Variants in GPC5 observed in about 807,000 individuals in gnomAD.
The protein encoded by GPC5 is glypican 5, also known as glypican-5.
In GPC5, 47 loss-of-function variants were observed where a neutral mutation model predicts 53.9. The observed-to-expected ratio is 0.87, with a 90% CI of 0.69 to 1.11. GPC5 has a LOEUF of 1.11. Among genes scored for constraint, GPC5 ranks in the 50% most tolerant of loss-of-function variants. The pLI is 0.00. For missense variants in GPC5, 748 were observed against 713.1 expected (o/e 1.05, Z -0.56); for synonymous variants, 286 against 263.3 (o/e 1.09, Z -0.84).
At chr13:92,743,497 G>C (rs1044003352) in intron 7 of GPC5, among the ~76,000 whole-genome samples, 2 of 152,046 alleles carry the variant, frequency 1.3e-5, no homozygotes, top group Non-Finnish European at 2.9e-5. Flanking sequence ...TGAGACGATG[G>C]GGTTTTCTAG....
At chr13:92,753,884 G>A (rs1874712497) in intron 7 of GPC5, among the ~76,000 whole-genome samples, 1 of 152,130 alleles carries the variant, frequency 6.6e-6, no homozygotes, top group Admixed American at 6.6e-5. Context: ...AGGGAGAATG[G>A]AACCAAGTTG....
intron 7 of GPC5, among the ~76,000 whole-genome samples, chr13:92,696,741 C>T (rs1009152416): frequency 6.6e-6 from 1 of 152,160 alleles, no homozygotes; most frequent in African/African-American, 2.4e-5. Context: ...GTTGCCCTTG[C>T]TTTTGGTGTT....
chr13:92,047,438 A>G (rs1482093358), intron 6 of GPC5, among the ~76,000 whole-genome samples: 1 of 96,164 alleles, frequency 1.0e-5, no homozygotes, highest in African/African-American at 3.5e-5. Flanking sequence ...AACTATATAT[A>G]TATATTTTTT....
chr13:92,243,507 C>A (rs920595179), intron 7 of GPC5, among the ~76,000 whole-genome samples: 2 of 151,966 alleles, frequency 1.3e-5, no homozygotes, highest in African/African-American at 4.8e-5. Context: ...TGAAAAATAA[C>A]TAGATATGAG....
rs192151019 is a variant in GPC5, at chr13:92,036,827, C to T, written c.1402-108003C>T. Among the ~76,000 whole-genome samples, 35 of 152,286 alleles carry T rather than the reference C, an allele frequency of 2.3e-4. No homozygotes were observed. In the East Asian group the frequency reaches 5.4e-3, roughly 24 times the overall value. On this transcript the variant is annotated intron_variant, in intron 6 of 7. Transcript: ENST00000377067. ...AACAAAGATCTGTTATACTTGTCTT[C>T]ATTAGTTAACTAGTACCTTCAGTAT...
chr13:91,454,887 G>T (rs149086694), intron 2 of GPC5, among the ~76,000 whole-genome samples: 49 of 152,152 alleles, frequency 3.2e-4, no homozygotes, highest in African/African-American at 1.2e-3. Flanking sequence ...AGCCTCCTGA[G>T]CTGGGACTAC....
At chr13:91,759,125 A>G (rs1403157588) in intron 5 of GPC5, among the ~76,000 whole-genome samples, 2 of 151,938 alleles carry the variant, frequency 1.3e-5, no homozygotes, top group Non-Finnish European at 2.9e-5. Flanking sequence ...AGTTGATTGG[A>G]CTCTATCTCT....
rs537868966 is a variant in GPC5 at position 92,564,887 on chromosome 13, T to C, written c.1562-301395T>C. On this transcript the variant is annotated intron_variant, in intron 7 of 7. Transcript: ENST00000377067. ...AGTTGGTTTAAATCCAAATAAAAGA[T>C]GTTATTCTTTCTTTATCCTAATCAG... Among the ~76,000 whole-genome samples the C allele has an allele frequency of 2.5e-3, 374 of 152,270 alleles. 2 individuals carry two copies. Among genetic ancestry groups the C allele is most frequent in the African/African-American group, 8.7e-3 (360 of 41,570 alleles).
intron 7 of GPC5, among the ~76,000 whole-genome samples, chr13:92,462,152 G>A (rs1878511069): frequency 6.6e-6 from 1 of 152,116 alleles, no homozygotes; most frequent in African/African-American, 2.4e-5. Flanking sequence ...GCCACTAGAG[G>A]GTTTTGAGCA....
chr13:92,083,940 T>C (rs1329965373), intron 6 of GPC5, among the ~76,000 whole-genome samples: 1 of 152,116 alleles, frequency 6.6e-6, no homozygotes, highest in African/African-American at 2.4e-5. Flanking sequence ...TACTACATAG[T>C]CATAAAAAGG....
chr13:91,763,171 C>T lies in GPC5; in HGVS notation c.1280+6751C>T, dbSNP rs186243414. Among the ~76,000 whole-genome samples the T allele has an allele frequency of 1.3e-3, 194 of 152,124 alleles. 1 individual carries two copies. The highest frequency in any genetic ancestry group is 4.6e-3 in the Admixed American group (70 of 15,276). On this transcript the variant is annotated intron_variant, in intron 5 of 7. Coordinates refer to ENST00000377067, the MANE Select transcript of GPC5 (RefSeq NM_004466.6). The stretch of plus-strand genomic sequence containing the variant: ...GGTGATAACGCTCTGATGGGTAATA[C>T]GTGGGTCCAAAGTGAAGTTGATGCC...
chr13:91,792,508 T>G (rs535553234), intron 5 of GPC5, among the ~76,000 whole-genome samples: 2 of 152,224 alleles, frequency 1.3e-5, no homozygotes, highest in African/African-American at 4.8e-5. Context: ...CCACTCTGAC[T>G]TTCACCCTTT....
intron 5 of GPC5, among the ~76,000 whole-genome samples, chr13:91,842,619 A>G (rs1006015734): frequency 2.8e-5 from 4 of 145,126 alleles, no homozygotes; most frequent in South Asian, 2.3e-4. Flanking sequence ...GGAGAATGGC[A>G]TGAACCTGGG....
At chr13:91,933,511 A>G (rs573320682) in intron 6 of GPC5, among the ~76,000 whole-genome samples, 1 of 152,098 alleles carries the variant, frequency 6.6e-6, no homozygotes, top group East Asian at 1.9e-4. Flanking sequence ...GGGTATTTAT[A>G]CATACTATTT....
At chr13:91,627,935 C>A (rs2034050644) in intron 2 of GPC5, among the ~76,000 whole-genome samples, 2 of 152,034 alleles carry the variant, frequency 1.3e-5, no homozygotes, top group South Asian at 4.1e-4. Flanking sequence ...GAGTTTATCT[C>A]TATATAAGGG....
chr13:92,831,050 A>G (rs998425990), intron 7 of GPC5, among the ~76,000 whole-genome samples: 2 of 152,158 alleles, frequency 1.3e-5, no homozygotes, highest in African/African-American at 2.4e-5. Flanking sequence ...AGCTTGATGT[A>G]AGCCCCATTC....
intron 7 of GPC5, among the ~76,000 whole-genome samples, chr13:92,450,109 C>CT (rs1000914451): frequency 4.6e-5 from 7 of 152,086 alleles, no homozygotes; most frequent in South Asian, 4.2e-4. Flanking sequence ...CATTTCTTCC[C>CT]TTTTTTTGCA....
chr13:92,077,107 C>T (rs573209782), intron 6 of GPC5, among the ~76,000 whole-genome samples: 206 of 152,044 alleles, frequency 1.4e-3, no homozygotes, highest in Admixed American at 2.5e-3. Flanking sequence ...TGAATTGCCC[C>T]GCCTTTCTGA....
At chr13:91,488,902 G>A (rs1566443947) in intron 2 of GPC5, among the ~76,000 whole-genome samples, 1 of 152,210 alleles carries the variant, frequency 6.6e-6, no homozygotes, top group Non-Finnish European at 1.5e-5. Context: ...GAAAGAGAAT[G>A]TGTCCCTGAG....
Sources: allele counts gnomAD v4.1 joint callset (sites outside exome capture counted in the v4.1 genomes callset), GRCh38; gene constraint gnomAD v4.1.1; transcripts MANE v1.5; gene names NCBI Gene and HGNC (gene_info 2026-07-23, HGNC 2026-07-21).